The following HMGCS1 variants were observed in gnomAD, a reference collection of about 807,000 sequenced individuals.
The protein encoded by HMGCS1 is hydroxymethylglutaryl-CoA synthase, cytoplasmic.
HMGCS1 carries 9 observed loss-of-function variants against 52.3 expected under a neutral mutation model. The ratio of observed to expected loss-of-function variants is 0.17; its 90% CI spans 0.10 to 0.30. The LOEUF is 0.30. Among genes scored for constraint, HMGCS1 ranks in the 10% least tolerant of loss-of-function variants. The pLI is 1.00. For synonymous variants in HMGCS1, 176 were observed against 214.4 expected, an observed-to-expected ratio of 0.82 and a Z score of 1.57; for missense variants, 320 against 620.9, an observed-to-expected ratio of 0.52 and a Z score of 5.15.
At chr5:43,304,821 T>C (rs1466368452) in intron 2 of HMGCS1, among the ~76,000 whole-genome samples, 1 of 152,356 alleles carries the variant, frequency 6.6e-6, no homozygotes, top group African/African-American at 2.4e-5. Context: ...TGACAGCCAA[T>C]GTGTTTTCCA....
At position 43,298,502 on chromosome 5, in the gene HMGCS1, T is replaced by C. The variant is rs1361791019; in HGVS notation, c.448+16A>G. 1 of 1,591,666 alleles carries C rather than the reference T, an allele frequency of 6.3e-7. No individual in the cohort carries two copies. Among genetic ancestry groups the C allele is most frequent in the Non-Finnish European group, 8.6e-7 (1 of 1,165,436 alleles). On this transcript the variant is annotated intron_variant, in intron 3 of 10. Coordinates refer to ENST00000325110, the MANE Select transcript of HMGCS1 (RefSeq NM_001098272.3). This position sits in a 1 kb window ranked among gnomAD's most constrained non-coding sequence, Gnocchi z 5.6. Reference sequence around the variant, plus strand: ...AAAAATTTTGGGGGACGGCGGGGAATAGGCATGTAACATACCATCCCAAGA... The same window carrying C: ...AAAAATTTTGGGGGACGGCGGGGAACAGGCATGTAACATACCATCCCAAGA...
rs573263958 is a variant in HMGCS1, at chr5:43,306,625, G to A, written c.-11+1141C>T. Among the ~76,000 whole-genome samples the A allele has an allele frequency of 2.7e-4, 41 of 152,296 alleles. 1 individual carries two copies. The South Asian group carries it at 8.3e-3, about 31-fold the overall frequency. On this transcript the variant is annotated intron_variant, in intron 2 of 10. Coordinates refer to ENST00000325110, the MANE Select transcript of HMGCS1 (RefSeq NM_001098272.3). ...TTGGATTTTGGATTTCCAGATTAGG[G>A]CTGCTCAAATGGTATGTTTTCTCAA...
chr5:43,302,116 A>AT (rs34127899), intron 2 of HMGCS1, among the ~76,000 whole-genome samples: 1 of 152,054 alleles, frequency 6.6e-6, no homozygotes, highest in Non-Finnish European at 1.5e-5. Context: ...ATCTCCATAC[A>AT]TTTTTCCAGT....
chr5:43,292,334 A>G (rs1753815259), intron 10 of HMGCS1, 140 bp downstream of exon 10: 2 of 651,796 alleles, frequency 3.1e-6, no homozygotes, highest in African/African-American at 1.8e-5. Context: ...AATGCAAAGC[A>G]CTTTATACAA....
At chr5:43,300,066 C>T (rs555639789) in intron 2 of HMGCS1, among the ~76,000 whole-genome samples, 1 of 152,282 alleles carries the variant, frequency 6.6e-6, no homozygotes, top group Admixed American at 6.5e-5. Flanking sequence ...CCCAAAGTCC[C>T]ACTGTTGGTG....
chr5:43,296,200 G>T (rs1172497954), intron 5 of HMGCS1, among the ~76,000 whole-genome samples: 1 of 151,856 alleles, frequency 6.6e-6, no homozygotes, highest in Non-Finnish European at 1.5e-5. Context: ...AAATAAAAGA[G>T]TATTTTAAAA....
At position 43,298,727 on chromosome 5, in the gene HMGCS1, T is replaced by C. The variant is rs770476990; in HGVS notation, c.239A>G (p.Asn80Ser). ...CCCAATGCAATCATAGGAAAGGTTATTTCTCTCCATAAGATTCTGAACCAC... is the reference window on the plus strand; with the variant it reads ...CCCAATGCAATCATAGGAAAGGTTACTTCTCTCCATAAGATTCTGAACCAC... ...MTVVQNLMERNNLSYDCIGRL... is the reference protein window; with the variant it reads ...MTVVQNLMERSNLSYDCIGRL... Residue 80 changes from asparagine to serine, a missense_variant, in exon 3 of 11, where the codon AAT (asparagine) becomes AGT (serine). This residue lies in a region of HMGCS1 where 85 missense variants were observed against 260.0 expected (regional missense o/e 0.33). Transcript: ENST00000325110. The surrounding 1 kb of genome is among the most constrained non-coding windows in gnomAD (Gnocchi z 5.6). The C allele has an allele frequency of 6.2e-7, 1 of 1,614,256 alleles. No individual in the cohort carries two copies. Among genetic ancestry groups the C allele is most frequent in the South Asian group, 1.1e-5 (1 of 91,086 alleles).
At position 43,292,665 on chromosome 5, in the gene HMGCS1, A is replaced by G. The variant is rs371014387; in HGVS notation, c.1310-28T>C. ...AAAGGAAAGGGAGAGAATATCTACAATTAGTTATGATATACAATTCATCTG... is the reference window on the plus strand; with the variant it reads ...AAAGGAAAGGGAGAGAATATCTACAGTTAGTTATGATATACAATTCATCTG... On this transcript the variant is annotated intron_variant, in intron 9 of 10. Transcript: ENST00000325110. 115 of 1,579,942 alleles carry G rather than the reference A, an allele frequency of 7.3e-5. No homozygotes were observed. The African/African-American group carries it at 1.5e-3, about 20-fold the overall frequency.
chr5:43,312,851 C>G (rs948922454), intron 1 of HMGCS1, among the ~76,000 whole-genome samples: 1 of 152,256 alleles, frequency 6.6e-6, no homozygotes, highest in Admixed American at 6.5e-5. Context: ...ACCCACTTCC[C>G]TTCTTTCCAT....
Position 43,294,178 on chromosome 5 carries a change from C to A in HMGCS1, c.1077-16G>T, listed in dbSNP as rs1310490103. 2 of 1,504,808 alleles carry A rather than the reference C, an allele frequency of 1.3e-6. No individual in the cohort carries two copies. Among genetic ancestry groups the A allele is most frequent in the Non-Finnish European group, 1.9e-6 (2 of 1,080,444 alleles). 93.2% of individuals were successfully genotyped at this position (1,504,808 alleles called of 1,614,324 possible). ...AGGTGAGTACCTATGTAGGGTGTAACAATAGTTCAGAAGTTTAACTGATCC... is the reference window on the plus strand; with the variant it reads ...AGGTGAGTACCTATGTAGGGTGTAAAAATAGTTCAGAAGTTTAACTGATCC... On this transcript the variant is annotated splice_polypyrimidine_tract_variant and intron_variant, in intron 7 of 10. Transcript: ENST00000325110.
chr5:43,295,807 G>A lies in HMGCS1; in HGVS notation c.850C>T (p.Leu284Phe). 6.2e-7 allele frequency: 1 copy of A among 1,613,394 alleles called. No individual in the cohort carries two copies. The highest frequency in any genetic ancestry group is 8.5e-7 in the Non-Finnish European group (1 of 1,179,504). ...SLARMLLNDF[L>F]NDQNRDKNSI... is the part of the protein sequence containing the mutation. Reference sequence around the variant, plus strand: ...TTTTTATCTCTATTCTGGTCATTAAGGAAGTCATTCAGCAACATCCGAGCT... The same window carrying A: ...TTTTTATCTCTATTCTGGTCATTAAAGAAGTCATTCAGCAACATCCGAGCT... Residue 284 changes from leucine (L) to phenylalanine (F), a missense_variant, in exon 6 of 11, where the codon CTT (leucine) becomes TTT (phenylalanine). This residue lies in a region of HMGCS1 where 213 missense variants were observed against 337.4 expected (regional missense o/e 0.63). Transcript: ENST00000325110.
chr5:43,292,406 T>G, intron 10 of HMGCS1, 68 bp downstream of exon 10: 1 of 1,301,328 alleles, frequency 7.7e-7, no homozygotes, highest in East Asian at 2.3e-5. Flanking sequence ...TGACATTTAT[T>G]TATGTTGCTA....
intron 7 of HMGCS1, 70 bp downstream of exon 7, chr5:43,294,621 A>C (rs535036916): frequency 8.6e-7 from 1 of 1,160,936 alleles, no homozygotes; most frequent in African/African-American, 1.6e-5. Flanking sequence ...GCTTGACACT[A>C]GATTTGGTCT....
chr5:43,298,028 A>T lies in HMGCS1; in HGVS notation c.555T>A (p.Ala185=). 3.1e-6 allele frequency: 5 copies of T among 1,613,672 alleles called. No individual in the cohort carries two copies. Among genetic ancestry groups the T allele is most frequent in the Non-Finnish European group, 4.2e-6 (5 of 1,179,844 alleles). ...GAVALLIGPN[A]PLIFERGLRG... is the part of the protein sequence containing the mutation. ...ACTTACCTCGTTCAAAAATTAAAGG[A>T]GCATTTGGCCCAATTAGCAGAGCTA... The change falls in exon 4 of 11, where the codon GCT becomes GCA. Residue 185 remains alanine (A), a synonymous_variant. Coordinates refer to ENST00000325110, the MANE Select transcript of HMGCS1 (RefSeq NM_001098272.3). This position sits in a 1 kb window ranked among gnomAD's most constrained non-coding sequence, Gnocchi z 5.6.
In HMGCS1 at chr5:43,288,075, A is replaced by C. The variant is rs920133462; in HGVS notation, c.*3056T>G. On this transcript the variant is annotated 3_prime_UTR_variant, in exon 11 of 11. Transcript: ENST00000325110. ...GCAGGAAGAGATCAGATCCCACAGG[A>C]GTCTGCAAGGCTGAATAAGGAATAT... 2 of 152,258 alleles carry C rather than the reference A, an allele frequency of 1.3e-5. No homozygotes were observed. The highest frequency in any genetic ancestry group is 4.8e-5 in the African/African-American group (2 of 41,460). The allele number at this position is 152,258 out of a possible 1,614,324, so 9.4% of individuals were successfully genotyped here. A position where few individuals can be genotyped will look rare whatever the true frequency, so the allele number is the denominator to read the frequency against.
At chr5:43,303,192 C>T (rs990710825) in intron 2 of HMGCS1, among the ~76,000 whole-genome samples, 1 of 152,212 alleles carries the variant, frequency 6.6e-6, no homozygotes, top group East Asian at 1.9e-4. Flanking sequence ...TCCCAAATAT[C>T]TGCCTGAATT....
Position 43,292,957 on chromosome 5 carries a change from T to C in HMGCS1, c.1200A>G (p.Lys400=), listed in dbSNP as rs1753852883. 1 of 1,603,220 alleles carries C rather than the reference T, an allele frequency of 6.2e-7. No homozygotes were observed. Among genetic ancestry groups the C allele is most frequent in the Non-Finnish European group, 8.5e-7 (1 of 1,176,678 alleles). ...QDATPGSALD[K]ITASLCDLKS... ...TAAGATCACATAAACTTGCTGTTAT[T>C]TTATCAAGAGCAGACCCTAAAATAG... Residue 400 remains lysine (K), a synonymous_variant, in exon 9 of 11, where the codon AAA becomes AAG. Transcript: ENST00000325110.
chr5:43,304,193 C>G (rs936200919), intron 2 of HMGCS1, among the ~76,000 whole-genome samples: 2 of 152,220 alleles, frequency 1.3e-5, no homozygotes, highest in African/African-American at 4.8e-5. Context: ...GGCTTATAAG[C>G]TCCTACATAT....
At chr5:43,292,808 C>A in intron 9 of HMGCS1, 40 bp downstream of exon 9, 1 of 1,604,620 alleles carries the variant, frequency 6.2e-7, no homozygotes, top group Non-Finnish European at 8.5e-7. Context: ...GATATCAGCC[C>A]TCCAAATGGG....
Sources: allele counts gnomAD v4.1 joint callset (sites outside exome capture counted in the v4.1 genomes callset), GRCh38; gene constraint gnomAD v4.1.1; regional missense constraint gnomAD v4.1.1; non-coding constraint Gnocchi (gnomAD v3.1); transcripts MANE v1.5; gene names NCBI Gene and HGNC (gene_info 2026-07-23, HGNC 2026-07-21).